The following ARHGAP26 variants were observed in gnomAD, a reference collection of about 807,000 sequenced individuals.
ARHGAP26 encodes the protein Rho GTPase activating protein 26, also known as rho GTPase-activating protein 26.
A neutral mutation model predicts 104.8 loss-of-function variants in ARHGAP26; 38 were observed. The observed-to-expected ratio is 0.36, with a 90% CI of 0.28 to 0.48. ARHGAP26 has a LOEUF of 0.48. Among genes scored for constraint, ARHGAP26 ranks in the 20% least tolerant of loss-of-function variants. The pLI, the probability that ARHGAP26 is intolerant of heterozygous loss-of-function variation, is 0.99. For synonymous variants in ARHGAP26, 341 were observed against 340.0 expected (o/e 1.00, Z -0.03); for missense variants, 704 against 947.9 (o/e 0.74, Z 3.38).
At chr5:142,947,274 T>G (rs1767295159) in intron 11 of ARHGAP26, among the ~76,000 whole-genome samples, 1 of 152,092 alleles carries the variant, frequency 6.6e-6, no homozygotes, top group Non-Finnish European at 1.5e-5. Context: ...ATCAACATTC[T>G]TGGGGTAAAT....
At chr5:142,991,670 T>C (rs1421364989) in intron 11 of ARHGAP26, among the ~76,000 whole-genome samples, 1 of 152,218 alleles carries the variant, frequency 6.6e-6, no homozygotes, top group Non-Finnish European at 1.5e-5. Context: ...AGAAATACTA[T>C]TGTGTGTCAG....
At chr5:142,810,784 C>T (rs561246464) in intron 1 of ARHGAP26, among the ~76,000 whole-genome samples, 3 of 152,230 alleles carry the variant, frequency 2.0e-5, no homozygotes, top group Admixed American at 6.5e-5. Context: ...GGACACTCTT[C>T]GTTTAATAAA....
At chr5:143,031,343 A>G (rs1003728004) in intron 12 of ARHGAP26, among the ~76,000 whole-genome samples, 1 of 152,258 alleles carries the variant, frequency 6.6e-6, no homozygotes, top group African/African-American at 2.4e-5. Context: ...GCAGACAGGA[A>G]CAAGAAGAAT....
At chr5:142,772,671 C>T (rs1755462112) in intron 1 of ARHGAP26, 1 of 500,706 alleles carries the variant, frequency 2.0e-6, no homozygotes, top group Admixed American at 2.1e-5. Context: ...CTCTGAGTCA[C>T]ACAGCTCTAG....
intron 10 of ARHGAP26, among the ~76,000 whole-genome samples, chr5:142,929,256 C>G (rs1255723348): frequency 6.6e-6 from 1 of 152,092 alleles, no homozygotes; most frequent in Non-Finnish European, 1.5e-5. Flanking sequence ...TTTAATCTCT[C>G]TCTTCTCTGT....
In ARHGAP26 at chr5:143,214,082, G is replaced by A. The variant is rs587778049; in HGVS notation, c.2185G>A (p.Asp729Asn). 22 of 1,351,680 alleles carry A rather than the reference G, an allele frequency of 1.6e-5. No individual in the cohort carries two copies. The Middle Eastern group carries it at 6.0e-4, about 37-fold the overall frequency. The allele number at this position is 1,351,680 out of a possible 1,614,324, so 83.7% of individuals were successfully genotyped here. ...ELSFTAGTVF[D>N]NVHPSQEPGW... Reference sequence around the variant, plus strand: ...TTCGTTCACAGCAGGCACGGTCTTCGATAACGGTGAGTTTCTCATCCCCTC... The same window carrying A: ...TTCGTTCACAGCAGGCACGGTCTTCAATAACGGTGAGTTTCTCATCCCCTC... The change falls in exon 22 of 23, where the codon GAT (aspartate) becomes AAT (asparagine). Residue 729 changes from aspartate to asparagine, a missense_variant. Physicochemically the swap from Asp to Asn is conservative, Grantham distance 23. Coordinates refer to ENST00000645722, the MANE Select transcript of ARHGAP26 (RefSeq NM_001135608.3).
At chr5:143,037,166 A>T in intron 12 of ARHGAP26, 30 bp from the exon 13 acceptor site, 3 of 1,579,256 alleles carry the variant, frequency 1.9e-6, no homozygotes, top group African/African-American at 2.7e-5. Flanking sequence ...CATGGCTAGC[A>T]ACTTGACTGT....
At chr5:142,782,470 G>C (rs1186966057) in intron 1 of ARHGAP26, among the ~76,000 whole-genome samples, 1 of 152,134 alleles carries the variant, frequency 6.6e-6, no homozygotes, top group Non-Finnish European at 1.5e-5. Context: ...ATTTGGCTGG[G>C]TTGCAGTCTG....
intron 14 of ARHGAP26, among the ~76,000 whole-genome samples, chr5:143,046,183 T>A (rs963555001): frequency 6.6e-6 from 1 of 151,726 alleles, no homozygotes; most frequent in Non-Finnish European, 1.5e-5. Flanking sequence ...TGTGCACCTA[T>A]AGCCCTGCTA....
intron 1 of ARHGAP26, among the ~76,000 whole-genome samples, chr5:142,814,391 C>CT (rs1474391329): frequency 1.3e-5 from 2 of 152,192 alleles, no homozygotes; most frequent in Non-Finnish European, 2.9e-5. Context: ...TTTCCAATTC[C>CT]TGTTCTCTCA....
At chr5:143,121,250 T>G in intron 18 of ARHGAP26, 103 bp downstream of exon 18, 1 of 1,198,200 alleles carries the variant, frequency 8.3e-7, no homozygotes, top group South Asian at 1.6e-5. Context: ...TAATCACTCT[T>G]ACACTGTCAT....
intron 20 of ARHGAP26, among the ~76,000 whole-genome samples, chr5:143,155,257 C>T (rs531072131): frequency 6.6e-6 from 1 of 152,312 alleles, no homozygotes; most frequent in Admixed American, 6.5e-5. Context: ...GCCAGATACC[C>T]TCCCTCTGTC....
intron 1 of ARHGAP26, among the ~76,000 whole-genome samples, chr5:142,777,322 C>T (rs1268276589): frequency 6.6e-6 from 1 of 152,210 alleles, no homozygotes; most frequent in Non-Finnish European, 1.5e-5. Flanking sequence ...GCAGATGCCA[C>T]ACAGGCTGGA....
At chr5:142,964,264 CTT>C (rs1770882730) in intron 11 of ARHGAP26, among the ~76,000 whole-genome samples, 1 of 152,128 alleles carries the variant, frequency 6.6e-6, no homozygotes, top group South Asian at 2.1e-4. Context: ...GTTTCCCAAA[CTT>C]TAGTTTTCTC....
intron 17 of ARHGAP26, among the ~76,000 whole-genome samples, chr5:143,069,282 T>C (rs1787930923): frequency 6.6e-6 from 1 of 152,228 alleles, no homozygotes; most frequent in African/African-American, 2.4e-5. Context: ...TCCACGAGGT[T>C]GGCAATTGCT....
intron 19 of ARHGAP26, among the ~76,000 whole-genome samples, chr5:143,142,684 G>A (rs749065328): frequency 5.9e-5 from 9 of 152,086 alleles, no homozygotes; most frequent in South Asian, 2.1e-4. Context: ...GGTAAAAATT[G>A]CTTCAGAAAG....
At chr5:142,885,697 C>G (rs1441503164) in intron 5 of ARHGAP26, among the ~76,000 whole-genome samples, 1 of 152,202 alleles carries the variant, frequency 6.6e-6, no homozygotes, top group African/African-American at 2.4e-5. Flanking sequence ...ACTGACATTT[C>G]TTTTCCTGTT....
chr5:142,998,227 T>G (rs1024928684), intron 11 of ARHGAP26, among the ~76,000 whole-genome samples: 3 of 152,216 alleles, frequency 2.0e-5, no homozygotes, highest in Non-Finnish European at 4.4e-5. Flanking sequence ...TATTTATATA[T>G]TCCTTTTATG....
intron 17 of ARHGAP26, 164 bp downstream of exon 17, chr5:143,057,911 C>CAGCA (rs1562344744): frequency 2.7e-6 from 2 of 735,250 alleles, no homozygotes; most frequent in Non-Finnish European, 4.9e-6. Context: ...CAGTGGAGAA[C>CAGCA]AGCAGCAAAT....
Sources: gnomAD v4.1 joint callset for allele counts (sites outside exome capture counted in the v4.1 genomes callset) on GRCh38, gnomAD v4.1.1 for gene constraint, MANE v1.5 for transcripts, NCBI Gene and HGNC (gene_info 2026-07-23, HGNC 2026-07-21) for gene names.